ADARB2: variants seen among roughly 807,000 people sequenced by gnomAD.
ADARB2 encodes the protein adenosine deaminase RNA specific B2 (inactive).
A neutral mutation model predicts 62.2 loss-of-function variants in ADARB2; 25 were observed. The ratio of observed to expected loss-of-function variants is 0.40; its 90% CI spans 0.29 to 0.56. The LOEUF is 0.56. ADARB2 is among the 20% of genes least tolerant of loss of function. The pLI, the probability that ADARB2 is intolerant of heterozygous loss-of-function variation, is 0.43. For synonymous variants in ADARB2, 572 were observed against 500.8 expected, an observed-to-expected ratio of 1.14 and a Z score of -1.90; for missense variants, 1,071 against 1,077.4, an observed-to-expected ratio of 0.99 and a Z score of 0.08.
chr10:1,439,458 A>G (rs568193789), intron 1 of ADARB2, among the ~76,000 whole-genome samples: 1 of 131,572 alleles, frequency 7.6e-6, no homozygotes, highest in African/African-American at 2.9e-5. Context: ...TCTCCTCAGC[A>G]GATGGAGGCA....
intron 1 of ADARB2, among the ~76,000 whole-genome samples, chr10:1,533,694 A>C (rs968234051): frequency 1.3e-5 from 2 of 152,186 alleles, no homozygotes; most frequent in African/African-American, 4.8e-5. Context: ...TGTTCCAAAG[A>C]GCACCACAGC....
intron 1 of ADARB2, among the ~76,000 whole-genome samples, chr10:1,574,363 G>A (rs1832981892): frequency 6.6e-6 from 1 of 152,236 alleles, no homozygotes; most frequent in African/African-American, 2.4e-5. Context: ...GAGGGGACAT[G>A]GCGAAAGGTG....
intron 3 of ADARB2, among the ~76,000 whole-genome samples, chr10:1,335,146 T>C (rs1371203867): frequency 6.6e-6 from 1 of 151,866 alleles, no homozygotes; most frequent in Non-Finnish European, 1.5e-5. Flanking sequence ...TGTCTCTGTG[T>C]GTTCCAGCTA....
intron 3 of ADARB2, among the ~76,000 whole-genome samples, chr10:1,336,515 C>G (rs1831976174): frequency 6.6e-6 from 1 of 152,140 alleles, no homozygotes; most frequent in African/African-American, 2.4e-5. Flanking sequence ...GCAGATCATC[C>G]TGTATTATGA....
intron 3 of ADARB2, among the ~76,000 whole-genome samples, chr10:1,303,971 G>C (rs1008881032): frequency 5.3e-5 from 8 of 151,904 alleles, no homozygotes; most frequent in Non-Finnish European, 1.0e-4. Flanking sequence ...ATCAACTAAT[G>C]AGCAAAATAA....
At chr10:1,465,950 C>T (rs1354047580) in intron 1 of ADARB2, among the ~76,000 whole-genome samples, 3 of 152,240 alleles carry the variant, frequency 2.0e-5, no homozygotes, top group African/African-American at 7.2e-5. Flanking sequence ...AAACTGCTTT[C>T]TACTTCTGTG....
chr10:1,229,854 G>C (rs1008894641), intron 6 of ADARB2, among the ~76,000 whole-genome samples: 3 of 119,696 alleles, frequency 2.5e-5, no homozygotes, highest in African/African-American at 1.3e-4. Flanking sequence ...ACGTGTGTGT[G>C]TGTGTGTGTG....
chr10:1,622,858 G>A (rs997489672), intron 1 of ADARB2, among the ~76,000 whole-genome samples: 10 of 152,120 alleles, frequency 6.6e-5, no homozygotes, highest in African/African-American at 1.9e-4. Flanking sequence ...ACACGTCCAC[G>A]CAAAGGCATG....
At chr10:1,384,244 T>G (rs1047142287) in intron 1 of ADARB2, among the ~76,000 whole-genome samples, 2 of 152,206 alleles carry the variant, frequency 1.3e-5, no homozygotes, top group African/African-American at 4.8e-5. Flanking sequence ...TCTCTACGCT[T>G]CCCGGTCCAA....
In ADARB2 at chr10:1,420,613, A is replaced by G. The variant is rs1273195765; in HGVS notation, c.101-41453T>C. On this transcript the variant is annotated intron_variant, in intron 1 of 9. Transcript: ENST00000381312. ...AGGTCCTCATCTTCCAGAAAGAGGG[A>G]AAAAAAAAAAAAAAAAAGGCAGAGG... Among the ~76,000 whole-genome samples the G allele has an allele frequency of 3.5e-3, 342 of 97,400 alleles. 4 individuals carry two copies. Among genetic ancestry groups the G allele is most frequent in the Non-Finnish European group, 5.4e-3 (279 of 51,676 alleles). 63.9% of individuals were successfully genotyped at this position (97,400 alleles called of 152,430 possible).
At chr10:1,506,871 G>C (rs906432389) in intron 1 of ADARB2, among the ~76,000 whole-genome samples, 2 of 152,194 alleles carry the variant, frequency 1.3e-5, no homozygotes, top group African/African-American at 4.8e-5. Context: ...AAGGAAAAAC[G>C]TGAGGGCCCT....
At chr10:1,552,328 C>A (rs963292961) in intron 1 of ADARB2, among the ~76,000 whole-genome samples, 12 of 152,342 alleles carry the variant, frequency 7.9e-5, no homozygotes, top group Middle Eastern at 3.4e-3. Context: ...TAGTTTGGGG[C>A]CCTGTCCTTG....
intron 3 of ADARB2, among the ~76,000 whole-genome samples, chr10:1,284,928 A>G (rs576814198): frequency 1.3e-5 from 2 of 152,132 alleles, no homozygotes; most frequent in Admixed American, 6.5e-5. Context: ...CCTCCAGACA[A>G]TATCAGGAAG....
At chr10:1,627,758 GATTT>G (rs1030213532) in intron 1 of ADARB2, among the ~76,000 whole-genome samples, 71 of 152,322 alleles carry the variant, frequency 4.7e-4, no homozygotes, top group African/African-American at 1.4e-3. Context: ...CTCCCAGAGT[GATTT>G]CTTTCCTTTT....
At chr10:1,464,566 C>T (rs112793373) in intron 1 of ADARB2, among the ~76,000 whole-genome samples, 1 of 67,754 alleles carries the variant, frequency 1.5e-5, no homozygotes, top group African/African-American at 4.9e-5. Flanking sequence ...GCAGTCACAG[C>T]GGGCAGTGCA....
chr10:1,579,399 G>A (rs1294387995), intron 1 of ADARB2, among the ~76,000 whole-genome samples: 1 of 152,182 alleles, frequency 6.6e-6, no homozygotes, highest in East Asian at 1.9e-4. Context: ...AGAAATTATA[G>A]TATGCACATA....
At chr10:1,508,891 G>A (rs534285447) in intron 1 of ADARB2, among the ~76,000 whole-genome samples, 2 of 152,324 alleles carry the variant, frequency 1.3e-5, no homozygotes, top group South Asian at 2.1e-4. Flanking sequence ...AAGCCCAGCC[G>A]TGAACCCAGG....
chr10:1,602,567 G>T lies in ADARB2; in HGVS notation c.100+134484C>A, dbSNP rs151270438. 2.6e-5 allele frequency among the ~76,000 whole-genome samples: 4 copies of T among 152,260 alleles called. No homozygotes were observed. In the East Asian group the frequency reaches 7.7e-4, roughly 29 times the overall value. On this transcript the variant is annotated intron_variant, in intron 1 of 9. Coordinates refer to ENST00000381312, the MANE Select transcript of ADARB2 (RefSeq NM_018702.4). ...CTCCACATTGCACAGCCAGGGAGAG[G>T]CTATCCTGGCTATTTCCTCAAGAAT...
intron 1 of ADARB2, among the ~76,000 whole-genome samples, chr10:1,411,289 C>A (rs1357539875): frequency 1.3e-5 from 2 of 152,192 alleles, no homozygotes; most frequent in East Asian, 3.9e-4. Context: ...TGCGGGGCAA[C>A]CCTGGCTTCG....
Sources: allele counts gnomAD v4.1 joint callset (sites outside exome capture counted in the v4.1 genomes callset), GRCh38; gene constraint gnomAD v4.1.1; transcripts MANE v1.5; gene names NCBI Gene and HGNC (gene_info 2026-07-23, HGNC 2026-07-21).